Variants in RFX4 observed in about 807,000 individuals in gnomAD.
RFX4 encodes the protein regulatory factor X4.
Under a neutral mutation model 95.0 loss-of-function variants are expected in RFX4, and 10 were observed. The observed-to-expected ratio is 0.11, with a 90% CI of 0.06 to 0.18. RFX4 has a LOEUF of 0.18. Ranked by LOEUF, RFX4 falls within the 10% of genes least tolerant of loss-of-function variation. The probability of loss-of-function intolerance (pLI) is 1.00; values close to 1 mark genes in which losing one functional copy is unlikely to be tolerated. For missense variants in RFX4, 640 were observed against 922.0 expected (o/e 0.69, Z 3.96); for synonymous variants, 321 against 340.7 (o/e 0.94, Z 0.64).
At chr12:106,723,422 T>C (rs2042432210) in intron 13 of RFX4, among the ~76,000 whole-genome samples, 1 of 152,226 alleles carries the variant, frequency 6.6e-6, no homozygotes. Context: ...CTTTTCATTC[T>C]GGGTTTTCAG....
At chr12:106,617,975 C>T (rs1293233069) in intron 2 of RFX4, among the ~76,000 whole-genome samples, 1 of 152,152 alleles carries the variant, frequency 6.6e-6, no homozygotes, top group African/African-American at 2.4e-5. Flanking sequence ...GATCCACCTG[C>T]CTCAGCCTCC....
intron 2 of RFX4, among the ~76,000 whole-genome samples, chr12:106,630,114 T>C (rs984785493): frequency 1.3e-5 from 2 of 152,202 alleles, no homozygotes; most frequent in African/African-American, 2.4e-5. Flanking sequence ...TTTCTTTTGG[T>C]TCTTGGTCTT....
intron 2 of RFX4, among the ~76,000 whole-genome samples, chr12:106,619,878 G>T (rs1287292051): frequency 6.6e-6 from 1 of 151,928 alleles, no homozygotes; most frequent in African/African-American, 2.4e-5. Context: ...CCATCCAAGT[G>T]ATCTTAATTT....
chr12:106,676,972 C>T (rs186947445), intron 4 of RFX4, among the ~76,000 whole-genome samples: 9 of 152,266 alleles, frequency 5.9e-5, no homozygotes, highest in African/African-American at 9.6e-5. Flanking sequence ...GCATTCAAAT[C>T]GCAGGTCTGC....
intron 8 of RFX4, among the ~76,000 whole-genome samples, chr12:106,699,289 T>C (rs1359192995): frequency 6.6e-6 from 1 of 152,206 alleles, no homozygotes; most frequent in African/African-American, 2.4e-5. Context: ...AATATATCAA[T>C]TCTTTTAAGT....
intron 4 of RFX4, among the ~76,000 whole-genome samples, chr12:106,669,516 G>C (rs2041240220): frequency 6.6e-6 from 1 of 152,040 alleles, no homozygotes; most frequent in South Asian, 2.1e-4. Flanking sequence ...GCACTTACCT[G>C]CATTGGAGAG....
intron 2 of RFX4, among the ~76,000 whole-genome samples, chr12:106,636,558 T>A (rs551748306): frequency 3.3e-5 from 5 of 152,278 alleles, no homozygotes; most frequent in African/African-American, 1.2e-4. Flanking sequence ...TGGCATTTAT[T>A]CCAGGCTGGA....
At chr12:106,596,278 C>A (rs763373293) in intron 1 of RFX4, among the ~76,000 whole-genome samples, 2 of 152,092 alleles carry the variant, frequency 1.3e-5, no homozygotes, top group Admixed American at 6.5e-5. Flanking sequence ...GTTTTAAAAA[C>A]GGGAGTTTCC....
chr12:106,621,492 G>A lies in RFX4; in HGVS notation c.130+12609G>A, dbSNP rs551606354. Reference sequence around the variant, plus strand: ...CTGCTGAAAGCACTGGGTGTTTACCGACTTCCCTTTACTTTGACCCAGCTT... The same window carrying A: ...CTGCTGAAAGCACTGGGTGTTTACCAACTTCCCTTTACTTTGACCCAGCTT... On this transcript the variant is annotated intron_variant, in intron 2 of 17. Transcript: ENST00000392842. 1.3e-4 allele frequency among the ~76,000 whole-genome samples: 20 copies of A among 152,252 alleles called. No individual in the cohort carries two copies. The South Asian group carries it at 2.9e-3, about 22-fold the overall frequency.
intron 2 of RFX4, among the ~76,000 whole-genome samples, chr12:106,614,478 TGTGTG>T (rs1335613994): frequency 2.8e-3 from 6 of 2,172 alleles, no homozygotes; most frequent in African/African-American, 6.1e-3. Flanking sequence ...GTCTTTTGCC[TGTGTG>T]TGTGTGTGTG....
chr12:106,759,114 C>G (rs549767990), intron 17 of RFX4, among the ~76,000 whole-genome samples: 6 of 152,304 alleles, frequency 3.9e-5, no homozygotes, highest in South Asian at 4.1e-4. Flanking sequence ...GGTAAGGCCC[C>G]GGCCCGAGAG....
At position 106,684,852 on chromosome 12, in the gene RFX4, C is replaced by T. The variant is rs1237601500; in HGVS notation, c.378-2032C>T. 5.1e-6 allele frequency: 8 copies of T among 1,583,354 alleles called. No individual in the cohort carries two copies. The African/African-American group carries it at 8.0e-5, about 16-fold the overall frequency. ...CCTTCGGAGGGTCTGAATTCTTCAT[C>T]CCAGAAGGCATTCAGATAGATTCGA... On this transcript the variant is annotated intron_variant, in intron 5 of 17. Transcript: ENST00000392842.
intron 9 of RFX4, among the ~76,000 whole-genome samples, chr12:106,710,093 G>A (rs1414182323): frequency 6.6e-6 from 1 of 152,112 alleles, no homozygotes; most frequent in East Asian, 1.9e-4. Context: ...GTACTTGCAG[G>A]GAGACTCATG....
intron 2 of RFX4, among the ~76,000 whole-genome samples, chr12:106,631,812 G>A (rs2040420909): frequency 6.6e-6 from 1 of 152,210 alleles, no homozygotes; most frequent in Non-Finnish European, 1.5e-5. Flanking sequence ...CTCTGCCATG[G>A]GGACTTTGCT....
chr12:106,752,439 C>T (rs527995005), intron 17 of RFX4, among the ~76,000 whole-genome samples: 95 of 152,250 alleles, frequency 6.2e-4, no homozygotes, highest in Non-Finnish European at 9.1e-4. Flanking sequence ...CACACCTGGT[C>T]GCTAAACAGT....
rs144838519 is a variant in RFX4 at position 106,690,143 on chromosome 12, C to T, written c.669+779C>T. On this transcript the variant is annotated intron_variant, in intron 7 of 17. Coordinates refer to ENST00000392842, the MANE Select transcript of RFX4 (RefSeq NM_213594.3). ...GATGTCAGGTACAAAATGCTCTTCT[C>T]CTGTACTTTTCTGCCTTCCCACGGC... Among the ~76,000 whole-genome samples the T allele has an allele frequency of 2.3e-3, 346 of 152,190 alleles. 3 individuals carry two copies. The highest frequency in any genetic ancestry group is 0.019 in the South Asian group (90 of 4,806).
At chr12:106,619,856 C>T (rs2137232738) in intron 2 of RFX4, among the ~76,000 whole-genome samples, 1 of 152,090 alleles carries the variant, frequency 6.6e-6, no homozygotes, top group Admixed American at 6.5e-5. Context: ...CATATCTAGT[C>T]TTCTATTAAG....
chr12:106,748,418 T>C (rs960030297), intron 16 of RFX4, among the ~76,000 whole-genome samples: 1 of 152,192 alleles, frequency 6.6e-6, no homozygotes, highest in Non-Finnish European at 1.5e-5. Flanking sequence ...GTTCAGGGGA[T>C]TTCCCATAGG....
intron 11 of RFX4, among the ~76,000 whole-genome samples, chr12:106,716,801 C>T (rs1373117355): frequency 6.6e-6 from 1 of 152,086 alleles, no homozygotes; most frequent in Non-Finnish European, 1.5e-5. Flanking sequence ...TTAATCTCCA[C>T]ATCAACCCCA....
Sources: allele counts gnomAD v4.1 joint callset (sites outside exome capture counted in the v4.1 genomes callset), GRCh38; gene constraint gnomAD v4.1.1; transcripts MANE v1.5; gene names NCBI Gene and HGNC (gene_info 2026-07-23, HGNC 2026-07-21).